Variants in AGAP1 observed in about 807,000 individuals in gnomAD.
AGAP1 encodes arf-GAP with GTPase, ANK repeat and PH domain-containing protein 1.
In AGAP1, 29 loss-of-function variants were observed where a neutral mutation model predicts 105.3. That is an observed-to-expected ratio of 0.28 (90% CI 0.21 to 0.38). The LOEUF (loss-of-function observed/expected upper bound fraction) is 0.38. Among genes scored for constraint, AGAP1 ranks in the 10% least tolerant of loss-of-function variants. The pLI, the probability that AGAP1 is intolerant of heterozygous loss-of-function variation, is 1.00. For synonymous variants in AGAP1, 509 were observed against 485.9 expected (o/e 1.05, Z -0.63); for missense variants, 998 against 1,165.1 (o/e 0.86, Z 2.09).
In AGAP1 at chr2:235,664,234, G is replaced by A. The variant is rs1056049812; in HGVS notation, c.164-44945G>A. ...GTTTTTTTGTTTTTTTTTTCGAGAC[G>A]GAGTTTCACTATTGTTGCCCAGGCT... On this transcript the variant is annotated intron_variant, in intron 1 of 17. Coordinates refer to ENST00000304032, the MANE Select transcript of AGAP1 (RefSeq NM_001037131.3). This position sits in a 1 kb window ranked among gnomAD's most constrained non-coding sequence, Gnocchi z 5.7. 2.0e-5 allele frequency among the ~76,000 whole-genome samples: 3 copies of A among 151,366 alleles called. No individual in the cohort carries two copies. Among genetic ancestry groups the A allele is most frequent in the African/African-American group, 7.3e-5 (3 of 41,148 alleles).
rs533255412 is a variant in AGAP1 at position 235,977,240 on chromosome 2, G to A, written c.1645+8617G>A. Reference sequence around the variant, plus strand: ...ATTGGTCGACTTTCATTAGAATCTAGGATCTGTCTTGAAGTCATTTTCTTG... The same window carrying A: ...ATTGGTCGACTTTCATTAGAATCTAAGATCTGTCTTGAAGTCATTTTCTTG... On this transcript the variant is annotated intron_variant, in intron 13 of 17. Transcript: ENST00000304032. The surrounding 1 kb of genome is among the most constrained non-coding windows in gnomAD (Gnocchi z 5.2). Among the ~76,000 whole-genome samples the A allele has an allele frequency of 5.5e-4, 83 of 152,064 alleles. No homozygotes were observed. Among genetic ancestry groups the A allele is most frequent in the Non-Finnish European group, 1.0e-3 (70 of 68,026 alleles).
rs942816626 is a variant in AGAP1, at chr2:236,061,211, C to A, written c.2114+11930C>A. Reference sequence around the variant, plus strand: ...GCAGATCACCCTTGAGCCCCCACCGCACGTGCTCTTGGACGGTCGTGGCAA... The same window carrying A: ...GCAGATCACCCTTGAGCCCCCACCGAACGTGCTCTTGGACGGTCGTGGCAA... On this transcript the variant is annotated intron_variant, in intron 16 of 17. Coordinates refer to ENST00000304032, the MANE Select transcript of AGAP1 (RefSeq NM_001037131.3). This position sits in a 1 kb window ranked among gnomAD's most constrained non-coding sequence, Gnocchi z 4.1. Among the ~76,000 whole-genome samples, 6 of 152,222 alleles carry A rather than the reference C, an allele frequency of 3.9e-5. No homozygotes were observed. The highest frequency in any genetic ancestry group is 7.3e-5 in the Non-Finnish European group (5 of 68,038).
At chr2:235,514,842 C>T (rs1412656177) in intron 1 of AGAP1, among the ~76,000 whole-genome samples, 2 of 152,186 alleles carry the variant, frequency 1.3e-5, no homozygotes, top group South Asian at 4.1e-4. Flanking sequence ...GGGATGGACT[C>T]TGGCTTGTAG....
intron 6 of AGAP1, among the ~76,000 whole-genome samples, chr2:235,776,070 T>G (rs1267986101): frequency 6.6e-6 from 1 of 152,124 alleles, no homozygotes; most frequent in African/African-American, 2.4e-5. Context: ...TGTGTTTGGT[T>G]TTGAATATAT....
rs145826616 is a variant in AGAP1, at chr2:235,909,285, G to A, written c.1324+379G>A. Among the ~76,000 whole-genome samples, 45 of 152,236 alleles carry A rather than the reference G, an allele frequency of 3.0e-4. No individual in the cohort carries two copies. In the East Asian group the frequency reaches 6.2e-3, roughly 21 times the overall value. ...ATGTATGAAAGTGGAAAAACCATTCGGAGCAAGATTCAGAGGAAACCATTT... is the reference window on the plus strand; with the variant it reads ...ATGTATGAAAGTGGAAAAACCATTCAGAGCAAGATTCAGAGGAAACCATTT... On this transcript the variant is annotated intron_variant, in intron 11 of 17. Coordinates refer to ENST00000304032, the MANE Select transcript of AGAP1 (RefSeq NM_001037131.3).
At chr2:235,847,810 G>A (rs190469093) in intron 9 of AGAP1, among the ~76,000 whole-genome samples, 67 of 152,278 alleles carry the variant, frequency 4.4e-4, no homozygotes, top group African/African-American at 1.4e-3. Context: ...TCCGTTTTCC[G>A]TTTCTTGACC....
chr2:235,789,725 A>G lies in AGAP1; in HGVS notation c.674-8034A>G, dbSNP rs1160172769. On this transcript the variant is annotated intron_variant, in intron 6 of 17. Coordinates refer to ENST00000304032, the MANE Select transcript of AGAP1 (RefSeq NM_001037131.3). This position sits in a 1 kb window ranked among gnomAD's most constrained non-coding sequence, Gnocchi z 4.2. The stretch of plus-strand genomic sequence containing the variant: ...TATACGCAAGGTAAGTCAACAAAGG[A>G]TTACCACCCACCGAACCCTTTCTCC... Among the ~76,000 whole-genome samples, 1 of 152,166 alleles carries G rather than the reference A, an allele frequency of 6.6e-6. No homozygotes were observed. Among genetic ancestry groups the G allele is most frequent in the Non-Finnish European group, 1.5e-5 (1 of 68,028 alleles).
chr2:235,527,234 G>T (rs1942873920), intron 1 of AGAP1, among the ~76,000 whole-genome samples: 1 of 152,196 alleles, frequency 6.6e-6, no homozygotes, highest in Non-Finnish European at 1.5e-5. Context: ...AAGCATCTCA[G>T]TGTGGAGGTG....
chr2:235,498,586 C>T (rs1016346934), intron 1 of AGAP1, among the ~76,000 whole-genome samples: 2 of 152,200 alleles, frequency 1.3e-5, no homozygotes, highest in Non-Finnish European at 2.9e-5. Flanking sequence ...GAATTAACTG[C>T]CTTTCTTGTT....
At chr2:235,803,138 G>GGTT (rs1489236825) in intron 8 of AGAP1, among the ~76,000 whole-genome samples, 1 of 151,298 alleles carries the variant, frequency 6.6e-6, no homozygotes, top group Non-Finnish European at 1.5e-5. Context: ...TTGTGGTGAT[G>GGTT]GTGATGGTCA....
intron 1 of AGAP1, among the ~76,000 whole-genome samples, chr2:235,515,818 A>G (rs1006378613): frequency 6.6e-6 from 1 of 152,148 alleles, no homozygotes; most frequent in Non-Finnish European, 1.5e-5. Flanking sequence ...GAAATTAAAC[A>G]CGCACAGAGC....
rs561389100 is a variant in AGAP1 at position 236,125,381 on chromosome 2, C to G, written c.*1259C>G. On this transcript the variant is annotated 3_prime_UTR_variant, in exon 18 of 18. Coordinates refer to ENST00000304032, the MANE Select transcript of AGAP1 (RefSeq NM_001037131.3). The surrounding 1 kb of genome is among the most constrained non-coding windows in gnomAD (Gnocchi z 5.2). ...CATTGTACATGGAAAATATTCCCAG[C>G]AGTAAACACTTCCATTAATGTGATC... is the stretch of plus-strand genomic sequence containing the variant. 1 of 152,432 alleles carries G rather than the reference C, an allele frequency of 6.6e-6. No homozygotes were observed. Among genetic ancestry groups the G allele is most frequent in the Non-Finnish European group, 1.5e-5 (1 of 68,016 alleles). The allele number at this position is 152,432 out of a possible 1,614,324, so 9.4% of individuals were successfully genotyped here. A position where few individuals can be genotyped will look rare whatever the true frequency, so the allele number is the denominator to read the frequency against.
intron 16 of AGAP1, among the ~76,000 whole-genome samples, chr2:236,093,103 A>G (rs1452481323): frequency 2.0e-5 from 3 of 152,256 alleles, no homozygotes; most frequent in Non-Finnish European, 4.4e-5. Flanking sequence ...ACCAGTAAAC[A>G]GAGAGGATGA....
At position 236,076,764 on chromosome 2, in the gene AGAP1, C is replaced by T. The variant is rs1202380195; in HGVS notation, c.2114+27483C>T. ...CAACAGACCACTTCCTAGAGAAATG[C>T]CTCCAGTGAGCCAGGGCTACATTTT... is the stretch of plus-strand genomic sequence containing the variant. On this transcript the variant is annotated intron_variant, in intron 16 of 17. Coordinates refer to ENST00000304032, the MANE Select transcript of AGAP1 (RefSeq NM_001037131.3). The surrounding 1 kb of genome is among the most constrained non-coding windows in gnomAD (Gnocchi z 4.4). Among the ~76,000 whole-genome samples, 1 of 152,062 alleles carries T rather than the reference C, an allele frequency of 6.6e-6. No homozygotes were observed. The highest frequency in any genetic ancestry group is 2.4e-5 in the African/African-American group (1 of 41,416).
In AGAP1 at chr2:235,577,814, C is replaced by G. The variant is rs1276302984; in HGVS notation, c.163+82965C>G. Reference sequence around the variant, plus strand: ...TTGCTATTCCTGAAATGTAATCCCTCCTTCAGCGCTGCACAAAAGGCCCAT... The same window carrying G: ...TTGCTATTCCTGAAATGTAATCCCTGCTTCAGCGCTGCACAAAAGGCCCAT... On this transcript the variant is annotated intron_variant, in intron 1 of 17. Coordinates refer to ENST00000304032, the MANE Select transcript of AGAP1 (RefSeq NM_001037131.3). This position sits in a 1 kb window ranked among gnomAD's most constrained non-coding sequence, Gnocchi z 4.5. Among the ~76,000 whole-genome samples, 18 of 152,130 alleles carry G rather than the reference C, an allele frequency of 1.2e-4. No individual in the cohort carries two copies. The highest frequency in any genetic ancestry group is 4.3e-4 in the African/African-American group (18 of 41,418).
Position 236,082,785 on chromosome 2 carries a change from A to G in AGAP1, c.2114+33504A>G, listed in dbSNP as rs965901960. Among the ~76,000 whole-genome samples the G allele has an allele frequency of 5.9e-5, 9 of 152,100 alleles. No homozygotes were observed. Among genetic ancestry groups the G allele is most frequent in the South Asian group, 4.1e-4 (2 of 4,832 alleles). On this transcript the variant is annotated intron_variant, in intron 16 of 17. Transcript: ENST00000304032. The surrounding 1 kb of genome is among the most constrained non-coding windows in gnomAD (Gnocchi z 4.2). ...GCTACTTGGGAGGCTGAGGCAGGAG[A>G]ATTGCTTGAAACCTGGAGGTGGAGG...
In AGAP1 at chr2:236,050,454, T is replaced by C. The variant is rs2057862995; in HGVS notation, c.2114+1173T>C. Among the ~76,000 whole-genome samples, 1 of 152,240 alleles carries C rather than the reference T, an allele frequency of 6.6e-6. No individual in the cohort carries two copies. Among genetic ancestry groups the C allele is most frequent in the South Asian group, 2.1e-4 (1 of 4,836 alleles). ...CGACCTCTTTATGAGTTATGCTCTA[T>C]AGTGTAGACAGGGGTAAGTTTCTTA... On this transcript the variant is annotated intron_variant, in intron 16 of 17. Transcript: ENST00000304032. This position sits in a 1 kb window ranked among gnomAD's most constrained non-coding sequence, Gnocchi z 4.0.
intron 1 of AGAP1, among the ~76,000 whole-genome samples, chr2:235,558,771 C>T (rs992119781): frequency 1.3e-5 from 2 of 152,140 alleles, no homozygotes; most frequent in Non-Finnish European, 2.9e-5. Context: ...ATGCCCTCAG[C>T]CATAAACACA....
At chr2:235,738,959 ATAC>A (rs1252778801) in intron 3 of AGAP1, among the ~76,000 whole-genome samples, 1 of 152,220 alleles carries the variant, frequency 6.6e-6, no homozygotes, top group African/African-American at 2.4e-5. Context: ...AAGGGAAATA[ATAC>A]TACTATCACT....
Sources: gnomAD v4.1 joint callset for allele counts (sites outside exome capture counted in the v4.1 genomes callset) on GRCh38, gnomAD v4.1.1 for gene constraint, Gnocchi (gnomAD v3.1) non-coding constraint, MANE v1.5 for transcripts, NCBI Gene and HGNC (gene_info 2026-07-23, HGNC 2026-07-21) for gene names.